Variants in PALM2AKAP2 observed in about 807,000 individuals in gnomAD.
PALM2AKAP2 encodes PALM2 and AKAP2 fusion.
Under a neutral mutation model 71.5 loss-of-function variants are expected in PALM2AKAP2, and 37 were observed. That is an observed-to-expected ratio of 0.52 (90% CI 0.40 to 0.68). The LOEUF is 0.68. Ranked by LOEUF, PALM2AKAP2 falls within the 30% of genes least tolerant of loss-of-function variation. The pLI, the probability that PALM2AKAP2 is intolerant of heterozygous loss-of-function variation, is 0.00. For missense variants in PALM2AKAP2, 1,224 were observed against 1,191.8 expected (o/e 1.03, Z -0.40); for synonymous variants, 468 against 478.8 (o/e 0.98, Z 0.29).
intron 1 of PALM2AKAP2, among the ~76,000 whole-genome samples, chr9:109,844,931 A>G (rs1437017198): frequency 2.1e-4 from 31 of 149,412 alleles, no homozygotes; most frequent in East Asian, 1.0e-3. Context: ...CCAGAAAATG[A>G]TGTGTGTGTG....
chr9:109,738,027 A>G (rs577292912), intron 1 of PALM2AKAP2, among the ~76,000 whole-genome samples: 2 of 152,356 alleles, frequency 1.3e-5, no homozygotes, highest in East Asian at 3.9e-4. Context: ...CAATCATTAT[A>G]TATTTGGCCT....
chr9:109,713,612 G>A (rs1828272767), intron 1 of PALM2AKAP2, among the ~76,000 whole-genome samples: 1 of 152,078 alleles, frequency 6.6e-6, no homozygotes, highest in Non-Finnish European at 1.5e-5. Context: ...GAGTTTCCAA[G>A]CAAATCAAAG....
At chr9:110,018,119 C>G (rs1833014654) in intron 7 of PALM2AKAP2, among the ~76,000 whole-genome samples, 1 of 152,142 alleles carries the variant, frequency 6.6e-6, no homozygotes, top group African/African-American at 2.4e-5. Context: ...GTACCAGGAT[C>G]TTGACTGAAG....
chr9:109,914,089 C>T (rs1189743761), intron 3 of PALM2AKAP2, among the ~76,000 whole-genome samples: 1 of 152,160 alleles, frequency 6.6e-6, no homozygotes. Context: ...TAAAAATCCA[C>T]AGGTCTGCAG....
chr9:109,708,696 T>C (rs1400622908), intron 1 of PALM2AKAP2, among the ~76,000 whole-genome samples: 1 of 152,210 alleles, frequency 6.6e-6, no homozygotes, highest in Non-Finnish European at 1.5e-5. Flanking sequence ...CACATGAGCA[T>C]TCTTAGAAAG....
intron 2 of PALM2AKAP2, among the ~76,000 whole-genome samples, chr9:109,872,971 C>T (rs1414603455): frequency 2.6e-5 from 4 of 152,154 alleles, no homozygotes; most frequent in African/African-American, 7.2e-5. Context: ...AGTCTTGGGT[C>T]GGCTTCTCCC....
At chr9:110,070,898 A>T (rs560225707) in intron 1 of PALM2AKAP2, among the ~76,000 whole-genome samples, 12 of 152,274 alleles carry the variant, frequency 7.9e-5, no homozygotes, top group African/African-American at 2.6e-4. Flanking sequence ...GTGGTAGCTC[A>T]TGCCTGTAAT....
chr9:110,138,419 G>C, exon 2 of PALM2AKAP2: 1 of 1,614,262 alleles, frequency 6.2e-7, no homozygotes, highest in African/African-American at 1.3e-5. Context: ...AGAGATCCGA[G>C]CAGCTCAGGA....
chr9:110,091,449 G>A lies in PALM2AKAP2; in HGVS notation c.156+42594G>A, dbSNP rs756582865. On this transcript the variant is annotated intron_variant, in intron 1 of 3. Transcript: ENST00000374525. The stretch of plus-strand genomic sequence containing the variant: ...CTGTGTGATGGGCTTTTTAATCTTT[G>A]AGATTTATTCTTTTTTTTTTTTTTT... 4.0e-3 allele frequency among the ~76,000 whole-genome samples: 517 copies of A among 130,106 alleles called. 3 individuals carry two copies. The highest frequency in any genetic ancestry group is 6.7e-3 in the Non-Finnish European group (408 of 61,344). The allele number at this position is 130,106 out of a possible 152,430, so 85.4% of individuals were successfully genotyped here. A position where few individuals can be genotyped will look rare whatever the true frequency, so the allele number is the denominator to read the frequency against.
At chr9:109,949,997 T>TATAGGGGC (rs1185542022) in intron 6 of PALM2AKAP2, among the ~76,000 whole-genome samples, 1 of 151,992 alleles carries the variant, frequency 6.6e-6, no homozygotes, top group African/African-American at 2.4e-5. Flanking sequence ...ATATAAATCT[T>TATAGGGGC]ATAGGGGCCA....
chr9:110,125,965 G>A (rs947380797), intron 1 of PALM2AKAP2, among the ~76,000 whole-genome samples: 1 of 152,094 alleles, frequency 6.6e-6, no homozygotes, highest in Non-Finnish European at 1.5e-5. Flanking sequence ...CAAGTGACTC[G>A]GTGATTCTGT....
At chr9:109,898,954 A>G (rs1024274473) in intron 3 of PALM2AKAP2, among the ~76,000 whole-genome samples, 2 of 152,208 alleles carry the variant, frequency 1.3e-5, no homozygotes, top group Non-Finnish European at 2.9e-5. Flanking sequence ...TTGAGATGAC[A>G]CTATCCTTCC....
intron 2 of PALM2AKAP2, among the ~76,000 whole-genome samples, chr9:110,152,509 C>T (rs1221436291): frequency 6.6e-6 from 1 of 152,116 alleles, no homozygotes; most frequent in Non-Finnish European, 1.5e-5. Flanking sequence ...GGGGCATGTC[C>T]TCTTGGCCAA....
At chr9:110,149,270 T>C (rs571429542) in intron 2 of PALM2AKAP2, among the ~76,000 whole-genome samples, 86 of 152,372 alleles carry the variant, frequency 5.6e-4, no homozygotes, top group Admixed American at 4.4e-3. Flanking sequence ...TGCTACAGTC[T>C]TGTGAGCACC....
At chr9:109,697,211 A>G (rs1827984801) in intron 1 of PALM2AKAP2, among the ~76,000 whole-genome samples, 1 of 152,168 alleles carries the variant, frequency 6.6e-6, no homozygotes, top group African/African-American at 2.4e-5. Context: ...ACTATTCTCT[A>G]TATACTGACA....
chr9:109,832,381 T>C (rs754491868), intron 1 of PALM2AKAP2, among the ~76,000 whole-genome samples: 1 of 152,212 alleles, frequency 6.6e-6, no homozygotes, highest in Non-Finnish European at 1.5e-5. Flanking sequence ...ACAAGGATGC[T>C]GTGTTGTGAG....
intron 1 of PALM2AKAP2, among the ~76,000 whole-genome samples, chr9:109,862,667 C>T (rs1829343968): frequency 6.6e-6 from 1 of 152,184 alleles, no homozygotes; most frequent in Non-Finnish European, 1.5e-5. Context: ...AATGAGCTAA[C>T]CATGACTGGC....
chr9:109,827,282 C>T (rs995306616), intron 1 of PALM2AKAP2, among the ~76,000 whole-genome samples: 4 of 152,166 alleles, frequency 2.6e-5, no homozygotes, highest in African/African-American at 9.7e-5. Flanking sequence ...TTATTCTCAA[C>T]CCTGGCTGGG....
chr9:109,821,687 C>G (rs1024415311), intron 1 of PALM2AKAP2, among the ~76,000 whole-genome samples: 1 of 152,186 alleles, frequency 6.6e-6, no homozygotes, highest in Non-Finnish European at 1.5e-5. Context: ...AGGTGGCTCC[C>G]CCTGTGTCCT....
Sources: allele counts gnomAD v4.1 joint callset (sites outside exome capture counted in the v4.1 genomes callset), GRCh38; gene constraint gnomAD v4.1.1; transcripts MANE v1.5; gene names NCBI Gene and HGNC (gene_info 2026-07-23, HGNC 2026-07-21).